The following FRMPD3 variants were observed in gnomAD, a reference collection of about 807,000 sequenced individuals.
The protein encoded by FRMPD3 is FERM and PDZ domain-containing protein 3.
A neutral mutation model predicts 97.9 loss-of-function variants in FRMPD3; 42 were observed. The ratio of observed to expected loss-of-function variants is 0.43; its 90% CI spans 0.34 to 0.55. The LOEUF (loss-of-function observed/expected upper bound fraction) is 0.55, where lower values mean the gene tolerates loss of function less well. Among genes scored for constraint, FRMPD3 ranks in the 20% least tolerant of loss-of-function variants. The pLI is 0.03. For synonymous variants in FRMPD3, 577 were observed against 581.1 expected, an observed-to-expected ratio of 0.99 and a Z score of 0.10; for missense variants, 1,303 against 1,457.7, an observed-to-expected ratio of 0.89 and a Z score of 1.73.
intron 1 of FRMPD3, among the ~76,000 whole-genome samples, chrX:107,461,061 G>A (rs1931462377): frequency 9.0e-6 from 1 of 111,575 alleles, no homozygotes; most frequent in African/African-American, 3.3e-5. Flanking sequence ...TTGGCTGTTG[G>A]GTCTGCTTTC....
chrX:107,603,653 A>C lies in FRMPD3; in HGVS notation c.*280A>C, dbSNP rs1423483655. On this transcript the variant is annotated 3_prime_UTR_variant, in exon 15 of 15. Transcript: ENST00000683843. The stretch of plus-strand genomic sequence containing the variant: ...TCTGCTCACAGCAGAGCTGTATTTT[A>C]TCTCTTCTCTGGGGCTGAGAGGTGA... 3.4e-6 allele frequency: 1 copy of C among 291,497 alleles called. No homozygotes were observed. The highest frequency in any genetic ancestry group is 5.8e-5 in the Admixed American group (1 of 17,107). 24.0% of individuals were successfully genotyped at this position (291,497 alleles called of 1,213,427 possible).
At chrX:107,576,591 G>A in intron 13 of FRMPD3, 132 bp downstream of exon 13, 1 of 681,116 alleles carries the variant, frequency 1.5e-6, no homozygotes, top group East Asian at 3.3e-5. Context: ...AGCCAACACT[G>A]TACCACTATA....
At chrX:107,462,172 T>C (rs777006482) in intron 1 of FRMPD3, among the ~76,000 whole-genome samples, 1 of 111,759 alleles carries the variant, frequency 8.9e-6, no homozygotes, top group Non-Finnish European at 1.9e-5. Context: ...CAGAAAAATA[T>C]AGAGGAAAAA....
intron 1 of FRMPD3, among the ~76,000 whole-genome samples, chrX:107,453,590 C>T (rs1215933128): frequency 8.9e-6 from 1 of 111,732 alleles, no homozygotes; most frequent in Non-Finnish European, 1.9e-5. Context: ...TATCGGCAGC[C>T]AAAATGAAGG....
intron 6 of FRMPD3, among the ~76,000 whole-genome samples, chrX:107,550,525 G>A (rs1014284223): frequency 1.8e-5 from 2 of 112,414 alleles, no homozygotes; most frequent in African/African-American, 6.5e-5. Context: ...ACCTACACAA[G>A]TTTATGCACA....
At chrX:107,572,426 A>G (rs756393687) in intron 12 of FRMPD3, among the ~76,000 whole-genome samples, 1 of 111,797 alleles carries the variant, frequency 8.9e-6, no homozygotes, top group African/African-American at 3.2e-5. Context: ...TGGATTTTCT[A>G]CAGGTGATGA....
intron 1 of FRMPD3, among the ~76,000 whole-genome samples, chrX:107,451,928 C>T (rs894626843): frequency 1.8e-5 from 2 of 111,585 alleles, no homozygotes; most frequent in Non-Finnish European, 3.8e-5. Flanking sequence ...GCTCCTGCCC[C>T]TCCCGTCGGC....
chrX:107,476,482 G>A (rs1278761871), intron 1 of FRMPD3, among the ~76,000 whole-genome samples: 1 of 111,989 alleles, frequency 8.9e-6, no homozygotes, highest in African/African-American at 3.3e-5. Context: ...CTTAGCTCCC[G>A]GTTGCAAACA....
At chrX:107,489,280 G>A (rs1164140282) in intron 1 of FRMPD3, among the ~76,000 whole-genome samples, 6 of 110,090 alleles carry the variant, frequency 5.5e-5, no homozygotes, top group Non-Finnish European at 1.1e-4. Flanking sequence ...ATTGTGAATA[G>A]TGCCGCAATA....
chrX:107,517,830 A>AGGGAGGG (rs1569414552), intron 1 of FRMPD3, among the ~76,000 whole-genome samples: 1 of 74,674 alleles, frequency 1.3e-5, no homozygotes, highest in African/African-American at 5.6e-5. Flanking sequence ...GGAAGGAAGG[A>AGGGAGGG]AGGGAGGGAG....
rs548628471 is a variant in FRMPD3 at position 107,468,028 on chromosome X, C to T, written c.-8+18023C>T. Among the ~76,000 whole-genome samples the T allele has an allele frequency of 2.7e-5, 3 of 111,646 alleles. No individual in the cohort carries two copies. In the South Asian group the frequency reaches 1.1e-3, roughly 42 times the overall value. ...AACTGCAGAAAACCTGCCAATCTTC[C>T]CACTCCCGCATTGGGTTTCTGCAGA... On this transcript the variant is annotated intron_variant, in intron 1 of 14. Transcript: ENST00000683843.
At position 107,601,862 on chromosome X, in the gene FRMPD3, C is replaced by A; in HGVS notation, c.3823C>A (p.Arg1275Ser). The A allele has an allele frequency of 5.0e-6, 6 of 1,208,679 alleles. No homozygotes were observed. Among genetic ancestry groups the A allele is most frequent in the Non-Finnish European group, 6.7e-6 (6 of 894,062 alleles). The change falls in exon 15 of 15, where the codon CGC (arginine) becomes AGC (serine). Residue 1275 changes from arginine (R) to serine (S), a missense_variant. Physicochemically the swap from Arg to Ser is moderately radical, Grantham distance 110. Around this residue, in one of 3 missense-constraint regions of FRMPD3, gnomAD observed 764 missense variants for 820.2 expected, o/e 0.93. Coordinates refer to ENST00000683843, the MANE Select transcript of FRMPD3 (RefSeq NM_001388459.1). ...GTACCTGCAACCTCCAGCACCTGGC[C>A]GCTGCAGCTGCCAGCTCCGCAGCAG... The part of the protein sequence containing the change: ...TEYLQPPAPG[R>S]CSCQLRSSPV...
intron 1 of FRMPD3, among the ~76,000 whole-genome samples, chrX:107,517,241 C>A (rs1276338308): frequency 1.8e-5 from 2 of 111,716 alleles, no homozygotes; most frequent in Non-Finnish European, 3.8e-5. Flanking sequence ...GGTACCAGTA[C>A]CTCCATTTTA....
rs113059303 is a variant in FRMPD3 at position 107,527,394 on chromosome X, C to T, written c.148+658C>T. 7.8e-3 allele frequency among the ~76,000 whole-genome samples: 875 copies of T among 112,345 alleles called. 9 individuals carry two copies. Among genetic ancestry groups the T allele is most frequent in the African/African-American group, 0.027 (843 of 30,932 alleles). On this transcript the variant is annotated intron_variant, in intron 2 of 14. Coordinates refer to ENST00000683843, the MANE Select transcript of FRMPD3 (RefSeq NM_001388459.1). ...AGTAATATCATTCCCATTTTGCAAA[C>T]GAGGAAACTGAGGCATAATGAAAGA...
At chrX:107,501,998 G>T (rs1312222908) in intron 1 of FRMPD3, among the ~76,000 whole-genome samples, 1 of 110,739 alleles carries the variant, frequency 9.0e-6, no homozygotes, top group African/African-American at 3.3e-5. Context: ...CTCTCCACAG[G>T]GGAGGGCACA....
chrX:107,563,816 C>A (rs2147600652), intron 11 of FRMPD3, among the ~76,000 whole-genome samples: 1 of 112,181 alleles, frequency 8.9e-6, no homozygotes, highest in East Asian at 2.8e-4. Flanking sequence ...CCCTAGGTTT[C>A]CTGAGTCCTT....
chrX:107,522,853 T>C (rs1286709169), intron 1 of FRMPD3, among the ~76,000 whole-genome samples: 1 of 104,348 alleles, frequency 9.6e-6, no homozygotes, highest in African/African-American at 3.6e-5. Context: ...GGGGAGAGAA[T>C]GAAGGCACTA....
intron 1 of FRMPD3, among the ~76,000 whole-genome samples, chrX:107,518,985 G>A (rs1014216693): frequency 8.9e-6 from 1 of 112,240 alleles, no homozygotes; most frequent in Non-Finnish European, 1.9e-5. Flanking sequence ...GACAGATATC[G>A]TATGATTCCT....
intron 13 of FRMPD3, among the ~76,000 whole-genome samples, chrX:107,582,670 A>T (rs1923448965): frequency 8.9e-6 from 1 of 112,307 alleles, no homozygotes; most frequent in Admixed American, 9.5e-5. Context: ...GAGCTATTTC[A>T]CCATAAATGT....
Sources: gnomAD v4.1 joint callset for allele counts (sites outside exome capture counted in the v4.1 genomes callset) on GRCh38, gnomAD v4.1.1 for gene constraint, gnomAD v4.1.1 regional missense constraint, MANE v1.5 for transcripts, NCBI Gene and HGNC (gene_info 2026-07-23, HGNC 2026-07-21) for gene names.